Variants in DLC1 observed in about 807,000 individuals in gnomAD.
DLC1 encodes DLC1 Rho GTPase activating protein, also known as rho GTPase-activating protein 7.
In DLC1, 54 loss-of-function variants were observed where a neutral mutation model predicts 140.3. That is an observed-to-expected ratio of 0.38 (90% confidence interval 0.31 to 0.48). The LOEUF (loss-of-function observed/expected upper bound fraction) is 0.48. DLC1 is among the 20% of genes least tolerant of loss of function. The pLI is 0.96. For missense variants in DLC1, 2,536 were observed against 1,907.0 expected, an observed-to-expected ratio of 1.33 and a Z score of -6.14; for synonymous variants, 986 against 728.1, an observed-to-expected ratio of 1.35 and a Z score of -5.70.
intron 5 of DLC1, among the ~76,000 whole-genome samples, chr8:13,301,929 A>G (rs144966727): frequency 0.011 from 1,684 of 152,282 alleles, 12 homozygotes; most frequent in South Asian, 0.04. Flanking sequence ...CTCCGTGGAA[A>G]AATTGTTTTC....
At chr8:13,547,676 A>G (rs1803698998) in intron 1 of DLC1, among the ~76,000 whole-genome samples, 1 of 152,022 alleles carries the variant, frequency 6.6e-6, no homozygotes, top group Non-Finnish European at 1.5e-5. Flanking sequence ...ATACAACATC[A>G]TTTTATCTAG....
chr8:13,154,930 T>G (rs542397697), intron 5 of DLC1, among the ~76,000 whole-genome samples: 2 of 152,176 alleles, frequency 1.3e-5, no homozygotes, highest in Non-Finnish European at 2.9e-5. Flanking sequence ...TTTAAAAAAC[T>G]TATGTTTTTA....
intron 2 of DLC1, among the ~76,000 whole-genome samples, chr8:13,413,847 T>C (rs76780833): frequency 0.027 from 4,090 of 152,162 alleles, 183 homozygotes; most frequent in African/African-American, 0.093. Context: ...CCTTTCTTTA[T>C]AAATTACGCA....
At chr8:13,328,188 G>A (rs1289978569) in intron 4 of DLC1, among the ~76,000 whole-genome samples, 1 of 152,142 alleles carries the variant, frequency 6.6e-6, no homozygotes, top group Non-Finnish European at 1.5e-5. Flanking sequence ...TGTGATTTGT[G>A]GTTTCAAAAG....
At chr8:13,293,809 C>G (rs982838325) in intron 5 of DLC1, among the ~76,000 whole-genome samples, 1 of 151,834 alleles carries the variant, frequency 6.6e-6, no homozygotes, top group East Asian at 1.9e-4. Context: ...AAATTGTCAT[C>G]TACGTGTGTT....
chr8:13,418,455 C>T (rs1838170840), intron 2 of DLC1, among the ~76,000 whole-genome samples: 2 of 152,260 alleles, frequency 1.3e-5, no homozygotes, highest in South Asian at 2.1e-4. Context: ...TTCCCAGCAC[C>T]ATTTATTAAA....
intron 4 of DLC1, among the ~76,000 whole-genome samples, chr8:13,311,104 C>T (rs1448494696): frequency 6.6e-6 from 1 of 151,926 alleles, no homozygotes; most frequent in African/African-American, 2.4e-5. Context: ...GAATGTTTGC[C>T]CCAGTATCAG....
intron 5 of DLC1, among the ~76,000 whole-genome samples, chr8:13,187,747 A>G (rs776310484): frequency 2.0e-5 from 3 of 152,182 alleles, no homozygotes; most frequent in Non-Finnish European, 1.5e-5. Flanking sequence ...GGCGTTCAAC[A>G]TTGCTACCTC....
chr8:13,261,605 G>A (rs999659442), intron 5 of DLC1, among the ~76,000 whole-genome samples: 1 of 152,148 alleles, frequency 6.6e-6, no homozygotes, highest in African/African-American at 2.4e-5. Context: ...ACACAGGTGC[G>A]AGGCAACCGT....
At chr8:13,228,826 G>C (rs1388231538) in intron 5 of DLC1, among the ~76,000 whole-genome samples, 1 of 152,184 alleles carries the variant, frequency 6.6e-6, no homozygotes, top group Non-Finnish European at 1.5e-5. Flanking sequence ...AGCATGAAAA[G>C]ATGCTCAACA....
intron 4 of DLC1, among the ~76,000 whole-genome samples, chr8:13,378,205 C>G (rs1166610463): frequency 6.8e-6 from 1 of 146,438 alleles, no homozygotes; most frequent in Non-Finnish European, 1.5e-5. Flanking sequence ...TACCCTAAAA[C>G]TTAAAGTTCT....
At chr8:13,395,805 A>G (rs1837013979) in intron 3 of DLC1, among the ~76,000 whole-genome samples, 1 of 151,330 alleles carries the variant, frequency 6.6e-6, no homozygotes, top group African/African-American at 2.4e-5. Context: ...CAAATTTCTG[A>G]TGCCTGGAAT....
At chr8:13,554,097 C>T (rs1456029667) in intron 1 of DLC1, among the ~76,000 whole-genome samples, 2 of 152,104 alleles carry the variant, frequency 1.3e-5, no homozygotes, top group Non-Finnish European at 2.9e-5. Flanking sequence ...GACAGAGTCT[C>T]ACTCTGTGGC....
At chr8:13,566,992 A>T in intron 1 of DLC1, 2 of 1,542,664 alleles carry the variant, frequency 1.3e-6, no homozygotes, top group African/African-American at 1.4e-5. Context: ...ATGCATTGTG[A>T]TGGCCATCTG....
intron 5 of DLC1, among the ~76,000 whole-genome samples, chr8:13,287,097 A>C (rs376193880): frequency 2.6e-5 from 4 of 152,214 alleles, no homozygotes; most frequent in East Asian, 1.9e-4. Flanking sequence ...ATGTGGTGGG[A>C]ATCAAAGAAA....
intron 5 of DLC1, among the ~76,000 whole-genome samples, chr8:13,121,096 A>G (rs114996078): frequency 0.016 from 2,435 of 152,322 alleles, 57 homozygotes; most frequent in African/African-American, 0.056. Flanking sequence ...ATTTTTTTTA[A>G]AAATGCAATT....
chr8:13,289,402 G>T (rs113492009), intron 5 of DLC1, among the ~76,000 whole-genome samples: 1 of 152,012 alleles, frequency 6.6e-6, no homozygotes, highest in Non-Finnish European at 1.5e-5. Context: ...ATTTTGCCCA[G>T]GCAGGTATAA....
chr8:13,283,293 AACACACACACAC>A (rs58438325), intron 5 of DLC1, among the ~76,000 whole-genome samples: 1 of 145,032 alleles, frequency 6.9e-6, no homozygotes, highest in East Asian at 2.0e-4. Flanking sequence ...ATCCTACTGA[AACACACACACAC>A]ACACACACAC....
chr8:13,260,260 G>A (rs1236384580), intron 5 of DLC1, among the ~76,000 whole-genome samples: 1 of 152,206 alleles, frequency 6.6e-6, no homozygotes, highest in Non-Finnish European at 1.5e-5. Flanking sequence ...ATGATGGATT[G>A]AAGTGGAAGA....
Sources: allele counts gnomAD v4.1 joint callset (sites outside exome capture counted in the v4.1 genomes callset), GRCh38; gene constraint gnomAD v4.1.1; transcripts MANE v1.5; gene names NCBI Gene and HGNC (gene_info 2026-07-23, HGNC 2026-07-21).